The following RYR3 variants were observed in gnomAD, a reference collection of about 807,000 sequenced individuals.
RYR3 encodes brain ryanodine receptor-calcium release channel.
Under a neutral mutation model 584.3 loss-of-function variants are expected in RYR3, and 207 were observed. That is an observed-to-expected ratio of 0.35 (90% CI 0.32 to 0.40). RYR3 has a LOEUF of 0.40. Among genes scored for constraint, RYR3 ranks in the 10% least tolerant of loss-of-function variants. The probability of loss-of-function intolerance (pLI) is 1.00; values close to 1 mark genes in which losing one functional copy is unlikely to be tolerated. For synonymous variants in RYR3, 2,416 were observed against 2,248.5 expected, an observed-to-expected ratio of 1.07 and a Z score of -2.11; for missense variants, 5,616 against 6,089.2, an observed-to-expected ratio of 0.92 and a Z score of 2.59.
chr15:33,529,223 CTG>C (rs896581021), intron 3 of RYR3, among the ~76,000 whole-genome samples: 3 of 152,202 alleles, frequency 2.0e-5, no homozygotes, highest in African/African-American at 7.2e-5. Context: ...TAAATAATCT[CTG>C]TAGCTGTGGG....
intron 38 of RYR3, among the ~76,000 whole-genome samples, chr15:33,672,014 A>G (rs567950794): frequency 6.6e-6 from 1 of 151,716 alleles, no homozygotes; most frequent in Non-Finnish European, 1.5e-5. Flanking sequence ...GGGTTTCATC[A>G]TGTTGGCCAG....
In RYR3 at chr15:33,728,836, C is replaced by T. The variant is rs757815905; in HGVS notation, c.7034-21C>T. 4 of 1,601,322 alleles carry T rather than the reference C, an allele frequency of 2.5e-6. No homozygotes were observed. The African/African-American group carries it at 5.4e-5, about 22-fold the overall frequency. ...TTTGGAGACAGGAAAAGGGAAATTA[C>T]ATTTTCTATGTGTCTTTCAGATGGG... is the stretch of plus-strand genomic sequence containing the variant. On this transcript the variant is annotated intron_variant, in intron 46 of 103. Coordinates refer to ENST00000634891, the MANE Select transcript of RYR3 (RefSeq NM_001036.6).
chr15:33,733,841 T>C (rs2069166969), intron 48 of RYR3, among the ~76,000 whole-genome samples: 1 of 152,184 alleles, frequency 6.6e-6, no homozygotes, highest in South Asian at 2.1e-4. Flanking sequence ...GCCAGGGATA[T>C]ATGAGAACTC....
chr15:33,744,988 A>G (rs1374222769), intron 52 of RYR3, among the ~76,000 whole-genome samples: 1 of 152,174 alleles, frequency 6.6e-6, no homozygotes, highest in African/African-American at 2.4e-5. Flanking sequence ...AGGCAGCAAG[A>G]CTGGAGGCTG....
Position 33,432,668 on chromosome 15 carries a change from T to TTGTGTGTGTGTGTGTGTGTGTGTG in RYR3, c.52-40745_52-40722dup, listed in dbSNP as rs58292418. 2.2e-3 allele frequency among the ~76,000 whole-genome samples: 295 copies of TTGTGTGTGTGTGTGTGTGTGTGTG among 132,154 alleles called. 2 individuals carry two copies. The highest frequency in any genetic ancestry group is 7.4e-3 in the Middle Eastern group (2 of 270). 86.7% of individuals were successfully genotyped at this position (132,154 alleles called of 152,430 possible). A position where few individuals can be genotyped will look rare whatever the true frequency, so the allele number is the denominator to read the frequency against. The stretch of plus-strand genomic sequence containing the variant: ...GGTGCCCACGACCACGCCTAGCTAA[T>TTGTGTGTGTGTGTGTGTGTGTGTG]TGTGTGTGTGTGTGTGTGTGTGTGT... On this transcript the variant is annotated intron_variant, in intron 1 of 103. Transcript: ENST00000634891.
At chr15:33,454,766 T>C (rs2047407065) in intron 1 of RYR3, among the ~76,000 whole-genome samples, 1 of 152,024 alleles carries the variant, frequency 6.6e-6, no homozygotes, top group Non-Finnish European at 1.5e-5. Flanking sequence ...GGCTCAGAGA[T>C]AAGAGTAAGT....
intron 48 of RYR3, among the ~76,000 whole-genome samples, chr15:33,733,307 T>C (rs947275800): frequency 6.6e-5 from 10 of 152,242 alleles, no homozygotes; most frequent in African/African-American, 2.4e-4. Context: ...CAGATGCTTG[T>C]AGCAGCTTTA....
intron 49 of RYR3, 70 bp downstream of exon 49, chr15:33,736,395 T>C (rs534421741): frequency 3.9e-6 from 4 of 1,036,402 alleles, no homozygotes; most frequent in Non-Finnish European, 5.8e-6. Context: ...ATGTGATGTC[T>C]TCACAATTTA....
At chr15:33,400,270 T>A (rs2042563398) in intron 1 of RYR3, among the ~76,000 whole-genome samples, 1 of 152,204 alleles carries the variant, frequency 6.6e-6, no homozygotes, top group Admixed American at 6.5e-5. Flanking sequence ...GCATAATTAC[T>A]GATAGCACAC....
chr15:33,725,628 C>G (rs1023380329), intron 45 of RYR3, among the ~76,000 whole-genome samples: 4 of 151,994 alleles, frequency 2.6e-5, no homozygotes, highest in Admixed American at 6.6e-5. Context: ...TAATCAAACT[C>G]TTAGAAATTG....
At chr15:33,487,245 CGGAGTA>C (rs1000904182) in intron 2 of RYR3, among the ~76,000 whole-genome samples, 3 of 151,176 alleles carry the variant, frequency 2.0e-5, no homozygotes, top group African/African-American at 7.3e-5. Flanking sequence ...ATATTGATCC[CGGAGTA>C]GGCATTCCAG....
intron 27 of RYR3, among the ~76,000 whole-genome samples, chr15:33,637,130 A>G (rs183299165): frequency 6.6e-6 from 1 of 152,340 alleles, no homozygotes; most frequent in Non-Finnish European, 1.5e-5. Flanking sequence ...GCTTCCAGCT[A>G]CACAAAGGAG....
intron 92 of RYR3, among the ~76,000 whole-genome samples, chr15:33,844,327 C>A (rs532644142): frequency 6.6e-6 from 1 of 152,228 alleles, no homozygotes; most frequent in Non-Finnish European, 1.5e-5. Flanking sequence ...GACAGCCATC[C>A]AAGAAGAGAA....
At chr15:33,585,570 T>C (rs1406602259) in intron 15 of RYR3, among the ~76,000 whole-genome samples, 1 of 152,206 alleles carries the variant, frequency 6.6e-6, no homozygotes, top group African/African-American at 2.4e-5. Context: ...AAATTCTTAT[T>C]TGGGAGAAAC....
rs772102927 is a variant in RYR3 at position 33,750,228 on chromosome 15, C to T, written c.8341C>T (p.Arg2781Trp). Residue 2781 changes from arginine to tryptophan, a missense_variant, in exon 57 of 104, where the codon CGG (arginine) becomes TGG (tryptophan). By Grantham distance (101) the Arg-to-Trp change is moderately radical (BLOSUM62 -3). This residue lies in a region of RYR3 where 1,280 missense variants were observed against 1,426.2 expected (regional missense o/e 0.90). Transcript: ENST00000634891. ...TLTAKEKFKD[R>W]EKAQDLFKFL... ...GACTGCCAAGGAAAAGTTCAAGGAC[C>T]GGGAGAAGGCACAGGACCTGTTTAA... 2.5e-5 allele frequency: 41 copies of T among 1,609,484 alleles called. No homozygotes were observed. Among genetic ancestry groups the T allele is most frequent in the South Asian group, 1.4e-4 (13 of 89,834 alleles).
At chr15:33,670,655 ACTTCAAAGAAAGCAT>A in intron 38 of RYR3, 99 bp downstream of exon 38, 1 of 1,222,130 alleles carries the variant, frequency 8.2e-7, no homozygotes, top group Non-Finnish European at 1.1e-6. Flanking sequence ...GGGCTGCTTA[ACTTCAAAGAAAGCAT>A]CTGGGCAGTA....
At chr15:33,399,631 C>A (rs564037295) in intron 1 of RYR3, among the ~76,000 whole-genome samples, 1 of 152,044 alleles carries the variant, frequency 6.6e-6, no homozygotes, top group South Asian at 2.1e-4. Flanking sequence ...GAGTAAGACT[C>A]CGTTTCAAAA....
chr15:33,564,554 C>T (rs2057594580), intron 11 of RYR3, among the ~76,000 whole-genome samples: 2 of 152,182 alleles, frequency 1.3e-5, no homozygotes, highest in South Asian at 4.1e-4. Flanking sequence ...TCAGAAGAAA[C>T]TTAAATCCTC....
intron 69 of RYR3, among the ~76,000 whole-genome samples, chr15:33,804,760 A>G (rs2076094103): frequency 6.6e-6 from 1 of 152,126 alleles, no homozygotes; most frequent in Admixed American, 6.5e-5. Context: ...CTGCAATTAG[A>G]TGTTCTCTCT....
Sources: gnomAD v4.1 joint callset for allele counts (sites outside exome capture counted in the v4.1 genomes callset) on GRCh38, gnomAD v4.1.1 for gene constraint, gnomAD v4.1.1 regional missense constraint, MANE v1.5 for transcripts, NCBI Gene and HGNC (gene_info 2026-07-23, HGNC 2026-07-21) for gene names.